The following MACROD2 variants were observed in gnomAD, a reference collection of about 807,000 sequenced individuals.
The protein encoded by MACROD2 is ADP-ribose glycohydrolase MACROD2.
A neutral mutation model predicts 70.4 loss-of-function variants in MACROD2; 36 were observed. The observed-to-expected ratio is 0.51, with a 90% CI of 0.39 to 0.68. MACROD2 has a LOEUF of 0.68. MACROD2 is among the 30% of genes least tolerant of loss of function. MACROD2 has a pLI of 0.00. For missense variants in MACROD2, 496 were observed against 538.4 expected, an observed-to-expected ratio of 0.92 and a Z score of 0.78; for synonymous variants, 172 against 178.8, an observed-to-expected ratio of 0.96 and a Z score of 0.30.
intron 12 of MACROD2, among the ~76,000 whole-genome samples, chr20:15,962,084 A>T (rs6131746): frequency 6.6e-6 from 1 of 152,188 alleles, no homozygotes; most frequent in Non-Finnish European, 1.5e-5. Flanking sequence ...GTTTTACATT[A>T]TGATGATTCT....
chr20:14,987,347 C>A (rs1361800945), intron 5 of MACROD2, among the ~76,000 whole-genome samples: 1 of 152,128 alleles, frequency 6.6e-6, no homozygotes, highest in Non-Finnish European at 1.5e-5. Context: ...CAATTCCAGG[C>A]AACTAGTAAG....
intron 4 of MACROD2, among the ~76,000 whole-genome samples, chr20:14,644,366 A>G (rs567914258): frequency 5.9e-5 from 9 of 152,336 alleles, no homozygotes; most frequent in Admixed American, 3.9e-4. Context: ...CTTGTTTGCT[A>G]TAATACTATG....
chr20:15,199,339 A>C (rs1411832494), intron 5 of MACROD2, among the ~76,000 whole-genome samples: 1 of 152,176 alleles, frequency 6.6e-6, no homozygotes, highest in Non-Finnish European at 1.5e-5. Context: ...CCTAGGCAAC[A>C]GAAAAAGATC....
intron 5 of MACROD2, among the ~76,000 whole-genome samples, chr20:15,184,366 C>A (rs1368594665): frequency 6.6e-6 from 1 of 151,344 alleles, no homozygotes; most frequent in South Asian, 2.1e-4. Context: ...CCTGTTTTTA[C>A]CTATCAATAT....
intron 5 of MACROD2, chr20:15,022,780 G>A (rs2075198497): frequency 1.3e-5 from 2 of 152,042 alleles, no homozygotes; most frequent in South Asian, 4.2e-4. Context: ...CTACAAAAAT[G>A]CCATGTGCTC....
chr20:15,928,020 A>G (rs533613819), intron 10 of MACROD2, among the ~76,000 whole-genome samples: 4 of 152,328 alleles, frequency 2.6e-5, no homozygotes, highest in South Asian at 2.1e-4. Context: ...CTAGATTGCT[A>G]TTAGGTTATT....
chr20:14,636,188 A>C (rs1267331176), intron 4 of MACROD2, among the ~76,000 whole-genome samples: 1 of 152,176 alleles, frequency 6.6e-6, no homozygotes, highest in Non-Finnish European at 1.5e-5. Flanking sequence ...AATGAATGGA[A>C]TAGGAGTTTA....
At chr20:14,840,834 A>G (rs575936735) in intron 5 of MACROD2, among the ~76,000 whole-genome samples, 1 of 152,120 alleles carries the variant, frequency 6.6e-6, no homozygotes, top group Admixed American at 6.5e-5. Context: ...CATGATTCTG[A>G]TAGGTTTCAG....
intron 6 of MACROD2, among the ~76,000 whole-genome samples, chr20:15,290,545 T>C (rs1010674920): frequency 6.6e-6 from 1 of 152,224 alleles, no homozygotes; most frequent in Non-Finnish European, 1.5e-5. Flanking sequence ...ACACTCAGGA[T>C]TATGGATCCA....
chr20:15,782,382 T>G (rs769131852), intron 8 of MACROD2, among the ~76,000 whole-genome samples: 3 of 152,142 alleles, frequency 2.0e-5, no homozygotes, highest in Non-Finnish European at 2.9e-5. Flanking sequence ...CTTCTAGTCT[T>G]CAGTTGCAAG....
chr20:15,160,538 T>A (rs1046807702), intron 5 of MACROD2, among the ~76,000 whole-genome samples: 4 of 152,118 alleles, frequency 2.6e-5, no homozygotes, highest in African/African-American at 7.2e-5. Flanking sequence ...CTATGAATCA[T>A]TTATTTATTC....
At chr20:15,716,627 T>C (rs902868716) in intron 8 of MACROD2, among the ~76,000 whole-genome samples, 1 of 152,210 alleles carries the variant, frequency 6.6e-6, no homozygotes, top group Non-Finnish European at 1.5e-5. Flanking sequence ...CTTTTTTTGT[T>C]GAGTCACCTT....
intron 5 of MACROD2, among the ~76,000 whole-genome samples, chr20:15,201,759 G>A (rs1218171824): frequency 6.6e-6 from 1 of 152,146 alleles, no homozygotes; most frequent in Non-Finnish European, 1.5e-5. Context: ...CATCTCTGAT[G>A]TCTGCATTTG....
intron 8 of MACROD2, among the ~76,000 whole-genome samples, chr20:15,613,147 A>G (rs779331084): frequency 1.6e-4 from 24 of 152,272 alleles, no homozygotes; most frequent in Non-Finnish European, 3.2e-4. Flanking sequence ...CTAGTTGGCT[A>G]TATTAAAATG....
At chr20:14,314,462 C>G (rs2082595701) in intron 3 of MACROD2, among the ~76,000 whole-genome samples, 1 of 152,104 alleles carries the variant, frequency 6.6e-6, no homozygotes, top group Non-Finnish European at 1.5e-5. Flanking sequence ...TCATCAAAGA[C>G]AAAAACAAAA....
intron 8 of MACROD2, among the ~76,000 whole-genome samples, chr20:15,774,985 G>C (rs1259246379): frequency 6.6e-6 from 1 of 152,094 alleles, no homozygotes; most frequent in African/African-American, 2.4e-5. Context: ...ATTTGGAAAG[G>C]AGAAGTTTGT....
rs79956527 is a variant in MACROD2 at position 15,431,039 on chromosome 20, G to A, written c.541-366G>A. On this transcript the variant is annotated intron_variant, in intron 6 of 17. Transcript: ENST00000684519. ...GACACACATAATCTCAAGAGCATAGGTAATAGTCAAATGTGCAAAGTAATT... is the reference window on the plus strand; with the variant it reads ...GACACACATAATCTCAAGAGCATAGATAATAGTCAAATGTGCAAAGTAATT... Among the ~76,000 whole-genome samples, 32 of 152,084 alleles carry A rather than the reference G, an allele frequency of 2.1e-4. No homozygotes were observed. In the East Asian group the frequency reaches 6.0e-3, roughly 28 times the overall value.
intron 3 of MACROD2, among the ~76,000 whole-genome samples, chr20:14,386,608 C>G (rs1023416830): frequency 4.6e-5 from 7 of 150,940 alleles, no homozygotes; most frequent in Non-Finnish European, 1.0e-4. Context: ...CTTTCTCTCT[C>G]TCTCTTGCTC....
intron 3 of MACROD2, among the ~76,000 whole-genome samples, chr20:14,103,004 G>A (rs1401670703): frequency 1.3e-5 from 2 of 152,110 alleles, no homozygotes; most frequent in Admixed American, 1.3e-4. Context: ...CTTTTGTAAT[G>A]TGTTAAATTA....
Sources: allele counts gnomAD v4.1 joint callset (sites outside exome capture counted in the v4.1 genomes callset), GRCh38; gene constraint gnomAD v4.1.1; transcripts MANE v1.5; gene names NCBI Gene and HGNC (gene_info 2026-07-23, HGNC 2026-07-21).